The following MYO1H variants were observed in gnomAD, a reference collection of about 807,000 sequenced individuals.
MYO1H encodes the protein myosin IH, also known as unconventional myosin-Ih.
Under a neutral mutation model 149.3 loss-of-function variants are expected in MYO1H, and 118 were observed. The observed-to-expected ratio is 0.79, with a 90% CI of 0.68 to 0.92. The LOEUF (loss-of-function observed/expected upper bound fraction) is 0.92. MYO1H is among the 40% of genes least tolerant of loss of function. MYO1H has a pLI of 0.00. For synonymous variants in MYO1H, 447 were observed against 465.2 expected (o/e 0.96, Z 0.50); for missense variants, 1,212 against 1,280.7 (o/e 0.95, Z 0.82).
intron 1 of MYO1H, among the ~76,000 whole-genome samples, chr12:109,371,001 GATA>G (rs1443624189): frequency 6.6e-6 from 1 of 152,138 alleles, no homozygotes; most frequent in Non-Finnish European, 1.5e-5. Flanking sequence ...AGGGTGAAGA[GATA>G]ATAATAGAGG....
intron 1 of MYO1H, chr12:109,354,215 T>C (rs1868530332): frequency 6.6e-6 from 1 of 152,208 alleles, no homozygotes. Context: ...TTTATCTTTA[T>C]TTCTTGCATA....
chr12:109,359,225 C>T (rs1868684746), intron 1 of MYO1H: 2 of 152,062 alleles, frequency 1.3e-5, no homozygotes, highest in Admixed American at 1.3e-4. Context: ...TGAAAGCTGA[C>T]ATGCTGAATG....
intron 6 of MYO1H, among the ~76,000 whole-genome samples, chr12:109,402,926 T>G (rs1870225523): frequency 6.6e-6 from 1 of 152,232 alleles, no homozygotes; most frequent in African/African-American, 2.4e-5. Context: ...TGTAGATTTT[T>G]TTATGGCCAC....
Position 109,444,212 on chromosome 12 carries a change from GGT to G in MYO1H, c.2827_2828del (p.Val943LeufsTer3). On this transcript the variant is annotated frameshift_variant and splice_region_variant, in exon 29 of 32. Transcript: ENST00000310903. LOFTEE classifies it high-confidence loss of function. ...GCTCCTAACTCTGGATCTGTCTTAA[GGT>G]GTCTCCACTAGCAATCTGAGTGATG... 1 of 1,612,722 alleles carries G rather than the reference GGT, an allele frequency of 6.2e-7. No individual in the cohort carries two copies. The highest frequency in any genetic ancestry group is 8.5e-7 in the Non-Finnish European group (1 of 1,178,814).
chr12:109,364,599 A>C (rs1282829793), intron 1 of MYO1H, among the ~76,000 whole-genome samples: 1 of 152,176 alleles, frequency 6.6e-6, no homozygotes, highest in African/African-American at 2.4e-5. Flanking sequence ...TCTTTTTTAA[A>C]AGGCAGAAAA....
At chr12:109,348,676 C>T (rs958187280) in intron 1 of MYO1H, among the ~76,000 whole-genome samples, 1 of 152,170 alleles carries the variant, frequency 6.6e-6, no homozygotes, top group Non-Finnish European at 1.5e-5. Context: ...AAACCTATTG[C>T]CTCTTTCCAG....
the MYO1H span, among the ~76,000 whole-genome samples, chr12:109,311,660 TTTG>T: frequency 2.1e-4 from 32 of 152,164 alleles, no homozygotes; most frequent in Non-Finnish European, 3.7e-4. Flanking sequence ...CCTTTTTTGT[TTTG>T]TTTTGTTTAA....
In MYO1H at chr12:109,365,503, G is replaced by A. The variant is rs557746815; in HGVS notation, c.12+17531G>A. Among the ~76,000 whole-genome samples, 7 of 152,144 alleles carry A rather than the reference G, an allele frequency of 4.6e-5. No individual in the cohort carries two copies. In the South Asian group the frequency reaches 8.3e-4, roughly 18 times the overall value. On this transcript the variant is annotated intron_variant, in intron 1 of 31. Transcript: ENST00000310903. ...TCTTCTGGTACTTTTCCCCTCCCTC[G>A]GACACTTGGAGCCTCAGTGGAGGTG...
intron 21 of MYO1H, among the ~76,000 whole-genome samples, chr12:109,435,905 T>C (rs1346162992): frequency 6.6e-6 from 1 of 152,156 alleles, no homozygotes; most frequent in African/African-American, 2.4e-5. Context: ...AGGGCCACAG[T>C]TAGGCCAGTG....
chr12:109,405,994 G>C, exon 8 of MYO1H: 1 of 1,613,818 alleles, frequency 6.2e-7, no homozygotes, highest in South Asian at 1.1e-5. Context: ...CCAAGGCTGT[G>C]CCACTATCCC....
chr12:109,317,521 C>T, the MYO1H span, among the ~76,000 whole-genome samples: 1 of 152,134 alleles, frequency 6.6e-6, no homozygotes, highest in Non-Finnish European at 1.5e-5. Flanking sequence ...TTCCCCTGGC[C>T]TTTTTCAGGG....
At chr12:109,440,120 C>T (rs1276952730) in intron 24 of MYO1H, among the ~76,000 whole-genome samples, 3 of 151,940 alleles carry the variant, frequency 2.0e-5, no homozygotes, top group Admixed American at 6.6e-5. Flanking sequence ...CTGCAACCTC[C>T]GCCTCCTAGG....
intron 15 of MYO1H, among the ~76,000 whole-genome samples, chr12:109,419,187 T>TACAC (rs59471788): frequency 0.019 from 2,786 of 148,750 alleles, 36 homozygotes; most frequent in Non-Finnish European, 0.027. Context: ...TATGTGAGGA[T>TACAC]ACACACACAC....
Position 109,375,390 on chromosome 12 carries a change from C to A in MYO1H, c.13-13293C>A, listed in dbSNP as rs188329555. ...CTGGTCTCAAACTCATGGCCTCAAG[C>A]GATCTGCCCACCTCGGCCTCCCAAA... On this transcript the variant is annotated intron_variant, in intron 1 of 31. Coordinates refer to ENST00000310903, the Ensembl canonical transcript of MYO1H. Among the ~76,000 whole-genome samples the A allele has an allele frequency of 8.6e-4, 131 of 152,060 alleles. 1 individual carries two copies. The highest frequency in any genetic ancestry group is 3.0e-3 in the African/African-American group (123 of 41,502).
At chr12:109,368,875 C>T (rs1868923825) in intron 1 of MYO1H, among the ~76,000 whole-genome samples, 1 of 152,028 alleles carries the variant, frequency 6.6e-6, no homozygotes, top group South Asian at 2.1e-4. Context: ...CATGAGTACC[C>T]AGCGTTTAGC....
exon 25 of MYO1H, chr12:109,440,787 A>G (rs1424104462): frequency 6.4e-7 from 1 of 1,566,086 alleles, no homozygotes; most frequent in Non-Finnish European, 8.7e-7. Context: ...AACCTGGTGC[A>G]GAAGTACTGC....
chr12:109,315,063 C>G, the MYO1H span, among the ~76,000 whole-genome samples: 1 of 152,342 alleles, frequency 6.6e-6, no homozygotes, highest in South Asian at 2.1e-4. Flanking sequence ...GATCGTGCCA[C>G]TGCATTCCAG....
chr12:109,356,890 A>G (rs1306375856), intron 1 of MYO1H, among the ~76,000 whole-genome samples: 1 of 152,336 alleles, frequency 6.6e-6, no homozygotes, highest in East Asian at 1.9e-4. Context: ...TAAATCAAAC[A>G]CATAAAAACT....
chr12:109,398,148 TAAG>T (rs1869995968), intron 5 of MYO1H, among the ~76,000 whole-genome samples: 1 of 152,212 alleles, frequency 6.6e-6, no homozygotes, highest in African/African-American at 2.4e-5. Flanking sequence ...GATGCTATCT[TAAG>T]AAGCTGAAAA....
Sources: allele counts gnomAD v4.1 joint callset (sites outside exome capture counted in the v4.1 genomes callset), GRCh38; gene constraint gnomAD v4.1.1; transcripts MANE v1.5; gene names NCBI Gene and HGNC (gene_info 2026-07-23, HGNC 2026-07-21).